The following INPP4B variants were observed in gnomAD, a reference collection of about 807,000 sequenced individuals.
INPP4B encodes the protein inositol polyphosphate 4-phosphatase type II.
Under a neutral mutation model 122.5 loss-of-function variants are expected in INPP4B, and 55 were observed. The ratio of observed to expected loss-of-function variants is 0.45; its 90% CI spans 0.36 to 0.56. The LOEUF is 0.56. Ranked by LOEUF, INPP4B falls within the 20% of genes least tolerant of loss-of-function variation. The pLI, the probability that INPP4B is intolerant of heterozygous loss-of-function variation, is 0.00. For synonymous variants in INPP4B, 403 were observed against 388.7 expected, an observed-to-expected ratio of 1.04 and a Z score of -0.43; for missense variants, 1,000 against 1,097.7, an observed-to-expected ratio of 0.91 and a Z score of 1.26.
rs5862604 is a variant in INPP4B at position 142,483,182 on chromosome 4, C to CTTTTTTTTTTTTTTTTTTTTTTTT, written c.-190-20480_-190-20457dup. ...TAATAATGACTGGAGTCAGGCTATG[C>CTTTTTTTTTTTTTTTTTTTTTTTT]TTTTTTTTTTTTTTTTTTTTTTTTT... On this transcript the variant is annotated intron_variant, in intron 2 of 25. Coordinates refer to ENST00000262992, the MANE Select transcript of INPP4B (RefSeq NM_001101669.3). Among the ~76,000 whole-genome samples, 5 of 48,334 alleles carry CTTTTTTTTTTTTTTTTTTTTTTTT rather than the reference C, an allele frequency of 1.0e-4. 1 individual carries two copies. The highest frequency in any genetic ancestry group is 5.0e-4 in the African/African-American group (5 of 10,092). 31.7% of individuals were successfully genotyped at this position (48,334 alleles called of 152,430 possible).
At chr4:142,245,956 ATGTGTATGTATACACACATG>A (rs201561668) in intron 11 of INPP4B, among the ~76,000 whole-genome samples, 3 of 20,802 alleles carry the variant, frequency 1.4e-4, no homozygotes, top group East Asian at 5.6e-3. Flanking sequence ...ATACATATAT[ATGTGTATGTATACACACATG>A]TGTGTATGTA....
chr4:142,774,946 T>A (rs1773630650), intron 1 of INPP4B, among the ~76,000 whole-genome samples: 1 of 152,098 alleles, frequency 6.6e-6, no homozygotes, highest in South Asian at 2.1e-4. Flanking sequence ...AGCTATTTCA[T>A]TAGGCTCCTC....
intron 2 of INPP4B, among the ~76,000 whole-genome samples, chr4:142,633,568 T>A (rs370979644): frequency 2.0e-5 from 3 of 152,196 alleles, no homozygotes; most frequent in South Asian, 2.1e-4. Context: ...AAGATCATGA[T>A]TGTTGGAGAA....
intron 2 of INPP4B, among the ~76,000 whole-genome samples, chr4:142,530,144 G>T (rs375921013): frequency 1.3e-5 from 2 of 152,056 alleles, no homozygotes; most frequent in South Asian, 2.1e-4. Flanking sequence ...AGGTCTGAAA[G>T]TACATTAGTT....
At chr4:142,258,561 C>T (rs1345574930) in intron 11 of INPP4B, among the ~76,000 whole-genome samples, 2 of 152,166 alleles carry the variant, frequency 1.3e-5, no homozygotes, top group African/African-American at 2.4e-5. Context: ...ACAGACGCTT[C>T]TCAAAAGAAG....
At chr4:142,232,900 G>A (rs897942981) in intron 12 of INPP4B, among the ~76,000 whole-genome samples, 3 of 152,104 alleles carry the variant, frequency 2.0e-5, no homozygotes, top group Admixed American at 6.5e-5. Context: ...ATTCCCTTAA[G>A]CCAAATTCTA....
chr4:142,715,027 T>C (rs1166616119), intron 2 of INPP4B, among the ~76,000 whole-genome samples: 1 of 152,242 alleles, frequency 6.6e-6, no homozygotes, highest in Non-Finnish European at 1.5e-5. Context: ...AGTCTTTTCA[T>C]GTGAATATAA....
At chr4:142,311,145 C>T (rs1765367850) in intron 8 of INPP4B, among the ~76,000 whole-genome samples, 1 of 152,116 alleles carries the variant, frequency 6.6e-6, no homozygotes. Flanking sequence ...CTTAAACTCT[C>T]CGATCTGTTT....
chr4:142,715,014 G>A (rs563248879), intron 2 of INPP4B, among the ~76,000 whole-genome samples: 1 of 152,148 alleles, frequency 6.6e-6, no homozygotes, highest in Non-Finnish European at 1.5e-5. Flanking sequence ...GTCTACCAAA[G>A]GTAGTCTTTT....
chr4:142,624,540 C>A lies in INPP4B; in HGVS notation c.-191+101299G>T, dbSNP rs533305027. Among the ~76,000 whole-genome samples, 22 of 152,202 alleles carry A rather than the reference C, an allele frequency of 1.4e-4. No homozygotes were observed. In the East Asian group the frequency reaches 1.9e-3, roughly 13 times the overall value. ...GACCAGATGGATTCACAGCCGAATT[C>A]TATCAGAGGTACAAGAAGGAACTTG... On this transcript the variant is annotated intron_variant, in intron 2 of 25. Coordinates refer to ENST00000262992, the MANE Select transcript of INPP4B (RefSeq NM_001101669.3).
In INPP4B at chr4:142,123,410, A is replaced by C. The variant is rs751391028; in HGVS notation, c.1899T>G (p.Ala633=). The C allele has an allele frequency of 1.9e-6, 3 of 1,606,736 alleles. No individual in the cohort carries two copies. The highest frequency in any genetic ancestry group is 2.5e-6 in the Non-Finnish European group (3 of 1,177,796). ...TGATGATAAAACCACAAACCAATCC[A>C]GCAAGCTGAAAAAAAAATATTGATG... The part of the protein sequence containing the change: ...RRDIVFSQAL[A]GLVCGFIIKL... The change falls in exon 20 of 26, where the codon GCT becomes GCG. Residue 633 remains alanine (A), a synonymous_variant. Transcript: ENST00000262992.
At chr4:142,597,254 CAA>C (rs1738911572) in intron 2 of INPP4B, among the ~76,000 whole-genome samples, 1 of 152,166 alleles carries the variant, frequency 6.6e-6, no homozygotes, top group Admixed American at 6.5e-5. Flanking sequence ...CTGATTTCTT[CAA>C]AGAGTCTTTA....
chr4:142,626,804 T>G (rs764432231), intron 2 of INPP4B, among the ~76,000 whole-genome samples: 7 of 152,086 alleles, frequency 4.6e-5, no homozygotes, highest in Non-Finnish European at 8.8e-5. Flanking sequence ...CAGAATAAGT[T>G]AATTGTTCTT....
intron 2 of INPP4B, among the ~76,000 whole-genome samples, chr4:142,621,898 G>A (rs1745020316): frequency 6.6e-6 from 1 of 151,728 alleles, no homozygotes; most frequent in Non-Finnish European, 1.5e-5. Flanking sequence ...TTACTTGTCT[G>A]AAGAAAAAAA....
chr4:142,053,475 T>C (rs1938866273), intron 25 of INPP4B, among the ~76,000 whole-genome samples: 1 of 152,090 alleles, frequency 6.6e-6, no homozygotes, highest in Non-Finnish European at 1.5e-5. Flanking sequence ...ACTGGTGATA[T>C]TGGTACTAGT....
intron 25 of INPP4B, chr4:142,029,862 C>G (rs1738700835): frequency 9.2e-7 from 1 of 1,085,786 alleles, no homozygotes; most frequent in Admixed American, 4.6e-5. Context: ...GGATTCTGTT[C>G]TTTGTCTTAT....
At chr4:142,373,740 T>C (rs928519425) in intron 7 of INPP4B, among the ~76,000 whole-genome samples, 8 of 151,958 alleles carry the variant, frequency 5.3e-5, no homozygotes, top group Non-Finnish European at 1.0e-4. Context: ...ATATTTAAAA[T>C]ATAAATATAG....
At chr4:142,728,634 A>C (rs1411423240) in intron 1 of INPP4B, among the ~76,000 whole-genome samples, 1 of 152,180 alleles carries the variant, frequency 6.6e-6, no homozygotes. Flanking sequence ...ACACAGACAG[A>C]GTGCCATATG....
chr4:142,189,430 A>G (rs538720825), intron 15 of INPP4B, among the ~76,000 whole-genome samples: 1 of 152,196 alleles, frequency 6.6e-6, no homozygotes, highest in Non-Finnish European at 1.5e-5. Context: ...CTTATTCAAG[A>G]AAAGCACAAT....
Sources: allele counts gnomAD v4.1 joint callset (sites outside exome capture counted in the v4.1 genomes callset), GRCh38; gene constraint gnomAD v4.1.1; transcripts MANE v1.5; gene names NCBI Gene and HGNC (gene_info 2026-07-23, HGNC 2026-07-21).